The following ERC1 variants were observed in gnomAD, a reference collection of about 807,000 sequenced individuals.
ERC1 encodes the protein ELKS/RAB6-interacting/CAST family member 1.
ERC1 carries 56 observed loss-of-function variants against 132.0 expected under a neutral mutation model. That is an observed-to-expected ratio of 0.42 (90% CI 0.34 to 0.53). ERC1 has a LOEUF of 0.53. Among genes scored for constraint, ERC1 ranks in the 20% least tolerant of loss-of-function variants. ERC1 has a pLI of 0.03. For missense variants in ERC1, 1,202 were observed against 1,349.9 expected (o/e 0.89, Z 1.72); for synonymous variants, 478 against 476.1 (o/e 1.00, Z -0.05).
rs939596938 is a variant in ERC1 at position 1,112,414 on chromosome 12, AT to A, written c.1401+118del. 6.4e-5 allele frequency: 44 copies of A among 689,162 alleles called. No homozygotes were observed. In the African/African-American group the frequency reaches 7.7e-4, roughly 12 times the overall value. 42.7% of individuals were successfully genotyped at this position (689,162 alleles called of 1,614,324 possible). ...TTCTCTATGGTTGGCAGCTTTGCCC[AT>A]TACTAGCACTAACCAGCCTGCTCTG... On this transcript the variant is annotated intron_variant, in intron 6 of 18. Transcript: ENST00000360905.
intron 2 of ERC1, among the ~76,000 whole-genome samples, chr12:1,043,065 A>G (rs1205655639): frequency 2.1e-5 from 3 of 140,050 alleles, no homozygotes; most frequent in Non-Finnish European, 4.5e-5. Flanking sequence ...TTTTTTTTAG[A>G]CAGAGCCTTG....
intron 16 of ERC1, among the ~76,000 whole-genome samples, chr12:1,400,635 T>A (rs1268654918): frequency 6.6e-6 from 1 of 152,160 alleles, no homozygotes; most frequent in Non-Finnish European, 1.5e-5. Context: ...TTGACATCAT[T>A]TTCTTTGCAT....
intron 15 of ERC1, among the ~76,000 whole-genome samples, chr12:1,349,474 G>A (rs1221468274): frequency 6.6e-6 from 1 of 152,098 alleles, no homozygotes; most frequent in Non-Finnish European, 1.5e-5. Context: ...CCACCAGCCT[G>A]TCCAATATGG....
intron 15 of ERC1, among the ~76,000 whole-genome samples, chr12:1,365,818 C>T (rs1395099751): frequency 6.6e-6 from 1 of 152,144 alleles, no homozygotes; most frequent in East Asian, 1.9e-4. Flanking sequence ...ATAGACACAA[C>T]CCAAGTGTCC....
intron 15 of ERC1, among the ~76,000 whole-genome samples, chr12:1,313,987 A>G (rs943436047): frequency 2.6e-5 from 4 of 151,874 alleles, no homozygotes; most frequent in African/African-American, 9.7e-5. Context: ...CTGTCTAAAA[A>G]CATAATAATA....
chr12:1,357,363 A>G (rs1219536267), intron 15 of ERC1, among the ~76,000 whole-genome samples: 2 of 152,248 alleles, frequency 1.3e-5, no homozygotes, highest in Non-Finnish European at 2.9e-5. Flanking sequence ...GACAGCTGGT[A>G]TGGACATGCT....
chr12:1,137,042 C>T (rs570123387), intron 7 of ERC1, among the ~76,000 whole-genome samples: 1 of 151,658 alleles, frequency 6.6e-6, no homozygotes, highest in African/African-American at 2.4e-5. Flanking sequence ...TCTTTGAGTT[C>T]CAGTCCTTCT....
chr12:1,366,231 A>G (rs2086652251), intron 15 of ERC1, among the ~76,000 whole-genome samples: 1 of 152,250 alleles, frequency 6.6e-6, no homozygotes, highest in African/African-American at 2.4e-5. Flanking sequence ...AAAACCTAAA[A>G]GATAAAAGTT....
intron 14 of ERC1, among the ~76,000 whole-genome samples, chr12:1,282,454 T>A (rs1245699660): frequency 1.3e-5 from 2 of 152,254 alleles, no homozygotes; most frequent in African/African-American, 4.8e-5. Flanking sequence ...ATTATTGCAA[T>A]AACTATAGTT....
intron 7 of ERC1, among the ~76,000 whole-genome samples, chr12:1,117,087 T>C (rs1390971491): frequency 6.6e-6 from 1 of 152,242 alleles, no homozygotes; most frequent in Non-Finnish European, 1.5e-5. Context: ...TTAATATAAA[T>C]ATTTTTTAAA....
At chr12:1,362,326 G>T (rs1325369305) in intron 15 of ERC1, among the ~76,000 whole-genome samples, 1 of 152,138 alleles carries the variant, frequency 6.6e-6, no homozygotes, top group African/African-American at 2.4e-5. Flanking sequence ...GAGTTCTTCT[G>T]CCCTAGACCT....
chr12:1,204,641 A>G, intron 12 of ERC1: 3 of 882,354 alleles, frequency 3.4e-6, no homozygotes, highest in Non-Finnish European at 5.2e-6. Context: ...GTGAGGATAA[A>G]ATGTCAAGGG....
intron 15 of ERC1, among the ~76,000 whole-genome samples, chr12:1,290,549 T>G (rs1458988681): frequency 6.6e-6 from 1 of 152,206 alleles, no homozygotes; most frequent in African/African-American, 2.4e-5. Flanking sequence ...ATTTTGTAGG[T>G]TGCTGAGACC....
chr12:1,137,408 A>G (rs1285188999), intron 7 of ERC1, among the ~76,000 whole-genome samples: 2 of 151,496 alleles, frequency 1.3e-5, no homozygotes, highest in Non-Finnish European at 2.9e-5. Flanking sequence ...TAGTCCTTCT[A>G]CTTACCAGTT....
rs1565932873 is a variant in ERC1 at position 1,083,548 on chromosome 12, C to CAGA, written c.1057_1059dup (p.Lys353dup). On this transcript the variant is annotated inframe_insertion, in exon 3 of 19. Transcript: ENST00000360905. The stretch of plus-strand genomic sequence containing the variant: ...TCATCACCTAGAAAGCCTTTTGGAG[C>CAGA]AGAAGGAAAAAGAGAACAGTATGTT... The CAGA allele has an allele frequency of 2.5e-6, 4 of 1,604,656 alleles. No homozygotes were observed. Among genetic ancestry groups the CAGA allele is most frequent in the Non-Finnish European group, 3.4e-6 (4 of 1,177,568 alleles).
At chr12:1,101,098 G>A (rs953882833) in intron 3 of ERC1, among the ~76,000 whole-genome samples, 4 of 152,258 alleles carry the variant, frequency 2.6e-5, no homozygotes, top group Admixed American at 6.5e-5. Context: ...TGTGGAGGTC[G>A]TCAGTGACCC....
At position 1,131,467 on chromosome 12, in the gene ERC1, G is replaced by T. The variant is rs73041010; in HGVS notation, c.1570-10153G>T. On this transcript the variant is annotated intron_variant, in intron 7 of 18. Coordinates refer to ENST00000360905, the MANE Select transcript of ERC1 (RefSeq NM_178040.4). ...AAGTTAAGGTACGTTGAGAGAATTG[G>T]TTTTTTTTAATTGAGGCAGAGTCTC... Among the ~76,000 whole-genome samples, 504 of 151,952 alleles carry T rather than the reference G, an allele frequency of 3.3e-3. 3 individuals are homozygous for T. The highest frequency in any genetic ancestry group is 5.6e-3 in the Non-Finnish European group (380 of 67,922).
intron 18 of ERC1, among the ~76,000 whole-genome samples, chr12:1,447,798 C>T (rs116387566): frequency 0.011 from 1,705 of 151,878 alleles, 34 homozygotes; most frequent in African/African-American, 0.04. Flanking sequence ...TACAGGCGCG[C>T]GCCACCGTGC....
intron 16 of ERC1, among the ~76,000 whole-genome samples, chr12:1,398,000 T>G (rs1186655803): frequency 1.3e-5 from 2 of 152,018 alleles, no homozygotes; most frequent in African/African-American, 2.4e-5. Flanking sequence ...AAATGCGAAG[T>G]TTTTTTTAGT....
Sources: allele counts gnomAD v4.1 joint callset (sites outside exome capture counted in the v4.1 genomes callset), GRCh38; gene constraint gnomAD v4.1.1; transcripts MANE v1.5; gene names NCBI Gene and HGNC (gene_info 2026-07-23, HGNC 2026-07-21).